APBB2: variants seen among roughly 807,000 people sequenced by gnomAD.
APBB2 encodes the protein amyloid beta precursor protein binding family B member 2.
Under a neutral mutation model 82.5 loss-of-function variants are expected in APBB2, and 38 were observed. That is an observed-to-expected ratio of 0.46 (90% confidence interval 0.36 to 0.60). The LOEUF (loss-of-function observed/expected upper bound fraction) is 0.60. Among genes scored for constraint, APBB2 ranks in the 20% least tolerant of loss-of-function variants. APBB2 has a pLI of 0.00. For synonymous variants in APBB2, 341 were observed against 368.2 expected (o/e 0.93, Z 0.85); for missense variants, 772 against 972.3 (o/e 0.79, Z 2.74).
intron 7 of APBB2, among the ~76,000 whole-genome samples, chr4:40,935,828 G>T (rs974775985): frequency 2.0e-5 from 3 of 151,692 alleles, no homozygotes; most frequent in Non-Finnish European, 4.4e-5. Flanking sequence ...TTTTCTAAAC[G>T]TAATTATAGT....
chr4:41,000,862 A>C (rs1579136714), intron 6 of APBB2, among the ~76,000 whole-genome samples: 1 of 147,834 alleles, frequency 6.8e-6, no homozygotes, highest in Admixed American at 6.8e-5. Context: ...ACACAAAGTT[A>C]AAAAAAAAAG....
Position 40,830,587 on chromosome 4 carries a change from C to A in APBB2, c.1530-10G>T, listed in dbSNP as rs1364963222. 2 of 1,513,906 alleles carry A rather than the reference C, an allele frequency of 1.3e-6. No homozygotes were observed. Among genetic ancestry groups the A allele is most frequent in the African/African-American group, 1.4e-5 (1 of 72,964 alleles). 93.8% of individuals were successfully genotyped at this position (1,513,906 alleles called of 1,614,324 possible). A position where few individuals can be genotyped will look rare whatever the true frequency, so the allele number is the denominator to read the frequency against. On this transcript the variant is annotated splice_polypyrimidine_tract_variant and intron_variant, in intron 12 of 17. Coordinates refer to ENST00000508593, the MANE Select transcript of APBB2 (RefSeq NM_004307.2). ...TACATAAGCAAAATCCCTGTGCAAG[C>A]AAAATGTATCAGTCCATTAGTAAGA...
At chr4:40,958,350 T>G (rs560501732) in intron 6 of APBB2, among the ~76,000 whole-genome samples, 17 of 152,276 alleles carry the variant, frequency 1.1e-4, no homozygotes, top group Middle Eastern at 3.4e-3. Flanking sequence ...ACTGAGAACC[T>G]CAGGCTTAAG....
At chr4:40,834,161 G>T (rs1753039234) in intron 12 of APBB2, among the ~76,000 whole-genome samples, 1 of 151,960 alleles carries the variant, frequency 6.6e-6, no homozygotes. Flanking sequence ...CAAGGTAGAG[G>T]CTAATAGATT....
intron 10 of APBB2, among the ~76,000 whole-genome samples, chr4:40,909,963 C>G (rs1778098403): frequency 6.6e-6 from 1 of 152,104 alleles, no homozygotes; most frequent in Non-Finnish European, 1.5e-5. Flanking sequence ...GTTCAGGGAA[C>G]TTAGTTGAAT....
intron 6 of APBB2, among the ~76,000 whole-genome samples, chr4:40,985,553 C>T (rs1800214163): frequency 6.6e-6 from 1 of 152,100 alleles, no homozygotes. Flanking sequence ...GTATTGATTT[C>T]ATTATCTTTT....
chr4:41,017,731 C>A lies in APBB2; in HGVS notation c.20-3333G>T, dbSNP rs183294350. ...CTACCAGGGCCCCCAGATTACCCCC[C>A]ACTCTAATTGGTCTGAGTGATTGAA... On this transcript the variant is annotated intron_variant, in intron 5 of 17. Coordinates refer to ENST00000508593, the MANE Select transcript of APBB2 (RefSeq NM_004307.2). 2.0e-5 allele frequency among the ~76,000 whole-genome samples: 3 copies of A among 152,274 alleles called. No homozygotes were observed. The East Asian group carries it at 5.8e-4, about 29-fold the overall frequency.
intron 3 of APBB2, among the ~76,000 whole-genome samples, chr4:41,092,656 T>TG (rs1289125143): frequency 7.0e-6 from 1 of 143,450 alleles, no homozygotes; most frequent in Non-Finnish European, 1.5e-5. Flanking sequence ...ACCACTGCAC[T>TG]CCAGCCTGGG....
intron 17 of APBB2, among the ~76,000 whole-genome samples, chr4:40,819,206 G>A (rs1400879915): frequency 1.2e-4 from 15 of 124,714 alleles, no homozygotes; most frequent in African/African-American, 4.3e-4. Flanking sequence ...TTTTTTTTGA[G>A]ACAGGGTCTC....
chr4:41,196,146 A>G lies in APBB2; in HGVS notation c.-417+18259T>C. 3.4e-5 allele frequency among the ~76,000 whole-genome samples: 5 copies of G among 148,346 alleles called. No individual in the cohort carries two copies. In the South Asian group the frequency reaches 6.3e-4, roughly 19 times the overall value. On this transcript the variant is annotated intron_variant, in intron 1 of 17. Coordinates refer to ENST00000508593, the MANE Select transcript of APBB2 (RefSeq NM_004307.2). ...TGCACTCCAGCCTGGTCGACAGAGC[A>G]AGACTCCGTCTCAAAAAAAAAAAAA...
Position 41,029,442 on chromosome 4 carries a change from C to T in APBB2, c.19+3794G>A, listed in dbSNP as rs577515820. 1.5e-4 allele frequency among the ~76,000 whole-genome samples: 23 copies of T among 152,248 alleles called. No individual in the cohort carries two copies. In the East Asian group the frequency reaches 2.7e-3, roughly 18 times the overall value. ...TGAACCTCAGAATATTCTAACTAGGCGAGCAATGTCACACTGCTGATGCAG... is the reference window on the plus strand; with the variant it reads ...TGAACCTCAGAATATTCTAACTAGGTGAGCAATGTCACACTGCTGATGCAG... On this transcript the variant is annotated intron_variant, in intron 5 of 17. Transcript: ENST00000508593.
At chr4:40,987,805 T>C (rs1037286634) in intron 6 of APBB2, among the ~76,000 whole-genome samples, 3 of 152,218 alleles carry the variant, frequency 2.0e-5, no homozygotes, top group Non-Finnish European at 4.4e-5. Context: ...TCTAAGAATC[T>C]AGCAGATTCA....
intron 12 of APBB2, among the ~76,000 whole-genome samples, chr4:40,875,087 T>C (rs529064660): frequency 1.3e-5 from 2 of 152,222 alleles, no homozygotes; most frequent in Admixed American, 1.3e-4. Flanking sequence ...CTGCCTGGGA[T>C]GGGGGCAGGC....
intron 1 of APBB2, among the ~76,000 whole-genome samples, chr4:41,204,658 C>A (rs561200952): frequency 1.2e-4 from 18 of 152,252 alleles, no homozygotes; most frequent in Non-Finnish European, 2.4e-4. Context: ...CTCTATAGAC[C>A]CAGAGCTCCG....
intron 1 of APBB2, among the ~76,000 whole-genome samples, chr4:41,178,192 C>T (rs927791781): frequency 6.6e-6 from 1 of 152,128 alleles, no homozygotes; most frequent in African/African-American, 2.4e-5. Context: ...AACATCAAGA[C>T]AATTCCAAGT....
chr4:40,930,489 G>T (rs1210743942), intron 10 of APBB2, among the ~76,000 whole-genome samples: 1 of 148,168 alleles, frequency 6.7e-6, no homozygotes, highest in Non-Finnish European at 1.5e-5. Flanking sequence ...GTATGCGTGT[G>T]TATGTGTGTG....
intron 3 of APBB2, among the ~76,000 whole-genome samples, chr4:41,093,125 G>A (rs991494185): frequency 9.2e-5 from 14 of 152,186 alleles, no homozygotes; most frequent in African/African-American, 3.4e-4. Flanking sequence ...CCTGGAAGAT[G>A]AAAGAAACCC....
At chr4:40,902,799 G>T (rs1775686481) in intron 10 of APBB2, among the ~76,000 whole-genome samples, 1 of 152,078 alleles carries the variant, frequency 6.6e-6, no homozygotes, top group Non-Finnish European at 1.5e-5. Context: ...GAAAGTGCTG[G>T]GATTACAGGC....
Position 40,934,674 on chromosome 4 carries a change from G to A in APBB2, c.1133C>T (p.Pro378Leu), listed in dbSNP as rs745592709. The change falls in exon 9 of 18, where the codon CCG becomes CTG. Residue 378 changes from proline to leucine, a missense_variant. Transcript: ENST00000508593. ...WKDLHAATVN[P>L]DPSLKEFEGA... ...TTCAAACTCTTTTAAACTGGGGTCC[G>A]GGTTAACAGTGGCTGCATGCAAATC... 1.5e-5 allele frequency: 25 copies of A among 1,613,660 alleles called. No homozygotes were observed. Among genetic ancestry groups the A allele is most frequent in the Admixed American group, 3.3e-5 (2 of 59,992 alleles).
Sources: gnomAD v4.1 joint callset for allele counts (sites outside exome capture counted in the v4.1 genomes callset) on GRCh38, gnomAD v4.1.1 for gene constraint, MANE v1.5 for transcripts, NCBI Gene and HGNC (gene_info 2026-07-23, HGNC 2026-07-21) for gene names.